Variants in IL1RAPL1 observed in about 807,000 individuals in gnomAD.
The protein encoded by IL1RAPL1 is interleukin 1 receptor accessory protein like 1, also known as interleukin-1 receptor accessory protein-like 1.
IL1RAPL1 carries 3 observed loss-of-function variants against 48.4 expected under a neutral mutation model. That is an observed-to-expected ratio of 0.06 (90% CI 0.03 to 0.16). IL1RAPL1 has a LOEUF of 0.16. Among genes scored for constraint, IL1RAPL1 ranks in the 10% least tolerant of loss-of-function variants. IL1RAPL1 has a pLI of 1.00. For synonymous variants in IL1RAPL1, 185 were observed against 187.7 expected, an observed-to-expected ratio of 0.99 and a Z score of 0.12; for missense variants, 349 against 530.6, an observed-to-expected ratio of 0.66 and a Z score of 3.36.
Position 28,687,699 on chromosome X carries a change from A to G in IL1RAPL1, c.-25+99652A>G, listed in dbSNP as rs751254423. Reference sequence around the variant, plus strand: ...CGGTAGGCTGAGGCAGGAGAATGGCATGAACCCGGGAGGCGGAGCTTGCAG... The same window carrying G: ...CGGTAGGCTGAGGCAGGAGAATGGCGTGAACCCGGGAGGCGGAGCTTGCAG... On this transcript the variant is annotated intron_variant, in intron 1 of 10. Transcript: ENST00000378993. Among the ~76,000 whole-genome samples, 364 of 109,753 alleles carry G rather than the reference A, an allele frequency of 3.3e-3. 1 individual carries two copies. Among genetic ancestry groups the G allele is most frequent in the African/African-American group, 0.011 (346 of 30,294 alleles).
intron 6 of IL1RAPL1, among the ~76,000 whole-genome samples, chrX:29,676,215 T>G (rs1926281949): frequency 8.9e-6 from 1 of 112,107 alleles, no homozygotes; most frequent in Non-Finnish European, 1.9e-5. Flanking sequence ...TTTGATCGGA[T>G]AATGCATGTA....
intron 6 of IL1RAPL1, among the ~76,000 whole-genome samples, chrX:29,907,376 T>TTTAAGAAATTA (rs1555934207): frequency 9.0e-6 from 1 of 111,522 alleles, no homozygotes; most frequent in African/African-American, 3.2e-5. Context: ...AGACTTCAAT[T>TTTAAGAAATTA]TTAAGAAATT....
intron 3 of IL1RAPL1, among the ~76,000 whole-genome samples, chrX:29,334,948 G>A (rs1449093646): frequency 2.7e-5 from 3 of 112,764 alleles, no homozygotes; most frequent in African/African-American, 9.7e-5. Context: ...AGGTTGTAGC[G>A]AGCCGAGATC....
intron 2 of IL1RAPL1, among the ~76,000 whole-genome samples, chrX:29,031,155 T>G (rs1378402094): frequency 1.8e-5 from 2 of 112,235 alleles, no homozygotes; most frequent in African/African-American, 6.5e-5. Context: ...AAGCTTAGTG[T>G]TAAGATAATT....
intron 2 of IL1RAPL1, among the ~76,000 whole-genome samples, chrX:29,107,567 A>G (rs939683932): frequency 8.9e-6 from 1 of 112,091 alleles, no homozygotes; most frequent in Middle Eastern, 4.2e-3. Flanking sequence ...TGCTTTAAAA[A>G]GAACAACAGC....
intron 2 of IL1RAPL1, among the ~76,000 whole-genome samples, chrX:29,181,154 T>C (rs1930136302): frequency 8.9e-6 from 1 of 111,864 alleles, no homozygotes; most frequent in Non-Finnish European, 1.9e-5. Context: ...ACCTGGCCTC[T>C]TTTAGTCTCA....
chrX:28,884,098 C>T lies in IL1RAPL1; in HGVS notation c.82+94673C>T, dbSNP rs183915865. On this transcript the variant is annotated intron_variant, in intron 2 of 10. Transcript: ENST00000378993. Reference sequence around the variant, plus strand: ...CTAGATGACGAGTTAGTGGGTGCAGCGCACAAGCATGGCACATGTATACAT... The same window carrying T: ...CTAGATGACGAGTTAGTGGGTGCAGTGCACAAGCATGGCACATGTATACAT... Among the ~76,000 whole-genome samples the T allele has an allele frequency of 9.2e-4, 102 of 111,334 alleles. 1 individual carries two copies. Among genetic ancestry groups the T allele is most frequent in the Non-Finnish European group, 1.5e-3 (77 of 52,951 alleles).
chrX:29,931,407 T>C (rs1345860477), intron 8 of IL1RAPL1, among the ~76,000 whole-genome samples: 1 of 111,666 alleles, frequency 9.0e-6, no homozygotes, highest in East Asian at 2.8e-4. Context: ...GCATGAAACT[T>C]GTCTCAAGAG....
chrX:29,245,316 A>G (rs1180292055), intron 2 of IL1RAPL1, among the ~76,000 whole-genome samples: 2 of 111,092 alleles, frequency 1.8e-5, no homozygotes, highest in African/African-American at 6.6e-5. Flanking sequence ...GGGTCAAATG[A>G]TATTTCTGGT....
intron 2 of IL1RAPL1, among the ~76,000 whole-genome samples, chrX:28,930,199 A>G (rs1293723739): frequency 1.8e-5 from 2 of 112,416 alleles, no homozygotes; most frequent in Non-Finnish European, 3.8e-5. Flanking sequence ...CCTAAATGTT[A>G]TAGAGATGGA....
intron 2 of IL1RAPL1, among the ~76,000 whole-genome samples, chrX:29,180,890 C>A (rs949378884): frequency 9.0e-6 from 1 of 111,532 alleles, no homozygotes; most frequent in Non-Finnish European, 1.9e-5. Context: ...GTGTGCAATA[C>A]ATGCTCAAGT....
Position 29,126,486 on chromosome X carries a change from A to G in IL1RAPL1, c.83-156452A>G, listed in dbSNP as rs530439162. Among the ~76,000 whole-genome samples, 3 of 112,731 alleles carry G rather than the reference A, an allele frequency of 2.7e-5. No individual in the cohort carries two copies. The Admixed American group carries it at 2.8e-4, about 11-fold the overall frequency. On this transcript the variant is annotated intron_variant, in intron 2 of 10. Transcript: ENST00000378993. ...CTGGTCAAGAACTCAGAGCAAAATG[A>G]AAAGATAAGCAGATAGTGCAATGTG...
At chrX:29,096,247 C>T (rs1398187688) in intron 2 of IL1RAPL1, among the ~76,000 whole-genome samples, 1 of 111,423 alleles carries the variant, frequency 9.0e-6, no homozygotes, top group Non-Finnish European at 1.9e-5. Context: ...AAAATACCCC[C>T]AGAAATGCTT....
intron 2 of IL1RAPL1, among the ~76,000 whole-genome samples, chrX:28,956,296 A>G (rs1374304654): frequency 1.9e-5 from 2 of 107,895 alleles, no homozygotes; most frequent in East Asian, 3.0e-4. Flanking sequence ...TTCCAACACT[A>G]TGTTGAATAG....
intron 2 of IL1RAPL1, among the ~76,000 whole-genome samples, chrX:29,208,735 T>C: frequency 1.2e-5 from 1 of 81,718 alleles, no homozygotes; most frequent in South Asian, 5.5e-4. Context: ...ATAATAATAA[T>C]AAATAAATAA....
At chrX:29,669,667 T>G (rs1926092447) in intron 6 of IL1RAPL1, among the ~76,000 whole-genome samples, 1 of 111,629 alleles carries the variant, frequency 9.0e-6, no homozygotes. Flanking sequence ...ACATACAGGA[T>G]TTATACAAGT....
At chrX:29,467,678 T>A (rs927083172) in intron 5 of IL1RAPL1, among the ~76,000 whole-genome samples, 1 of 111,040 alleles carries the variant, frequency 9.0e-6, no homozygotes, top group East Asian at 2.8e-4. Context: ...AGAAGGTAAA[T>A]TTGTGAGTGG....
intron 6 of IL1RAPL1, among the ~76,000 whole-genome samples, chrX:29,902,095 G>A (rs1028314629): frequency 3.6e-5 from 4 of 111,514 alleles, no homozygotes; most frequent in African/African-American, 1.3e-4. Context: ...AGGAGTTTCT[G>A]AGTAGCCTTT....
At chrX:28,994,099 TAGAC>T (rs1451221398) in intron 2 of IL1RAPL1, among the ~76,000 whole-genome samples, 14 of 109,977 alleles carry the variant, frequency 1.3e-4, no homozygotes, top group Non-Finnish European at 1.7e-4. Flanking sequence ...GTGGGTGAAA[TAGAC>T]AGTTTAAACA....
Sources: allele counts gnomAD v4.1 joint callset (sites outside exome capture counted in the v4.1 genomes callset), GRCh38; gene constraint gnomAD v4.1.1; transcripts MANE v1.5; gene names NCBI Gene and HGNC (gene_info 2026-07-23, HGNC 2026-07-21).